DENND1A: variants seen among roughly 807,000 people sequenced by gnomAD.
DENND1A encodes the protein DENN domain-containing protein 1A.
DENND1A carries 51 observed loss-of-function variants against 113.7 expected under a neutral mutation model. That is an observed-to-expected ratio of 0.45 (90% CI 0.36 to 0.57). The LOEUF (loss-of-function observed/expected upper bound fraction) is 0.57. Ranked by LOEUF, DENND1A falls within the 20% of genes least tolerant of loss-of-function variation. The pLI, the probability that DENND1A is intolerant of heterozygous loss-of-function variation, is 0.00. For missense variants in DENND1A, 1,258 were observed against 1,395.9 expected, an observed-to-expected ratio of 0.90 and a Z score of 1.57; for synonymous variants, 565 against 570.8, an observed-to-expected ratio of 0.99 and a Z score of 0.14.
chr9:123,693,873 G>A (rs2065338575), intron 5 of DENND1A, among the ~76,000 whole-genome samples: 1 of 150,002 alleles, frequency 6.7e-6, no homozygotes, highest in African/African-American at 2.4e-5. Context: ...CTTTCACCAG[G>A]CGGGAGTGCA....
chr9:123,741,373 C>T (rs2069008471), intron 5 of DENND1A, among the ~76,000 whole-genome samples: 1 of 152,312 alleles, frequency 6.6e-6, no homozygotes, highest in South Asian at 2.1e-4. Flanking sequence ...AGCTTCCCTA[C>T]CCACCATCAA....
chr9:123,419,496 G>A (rs904167280), intron 19 of DENND1A, among the ~76,000 whole-genome samples: 11 of 152,216 alleles, frequency 7.2e-5, no homozygotes, highest in Non-Finnish European at 1.0e-4. Flanking sequence ...AAACTCTGTC[G>A]CTGTTTAATG....
At chr9:123,427,479 T>A (rs575516379) in intron 19 of DENND1A, among the ~76,000 whole-genome samples, 2 of 152,252 alleles carry the variant, frequency 1.3e-5, no homozygotes, top group African/African-American at 4.8e-5. Flanking sequence ...GCCTCCTACC[T>A]CCCTGGTCTG....
At chr9:123,429,072 C>T (rs539141888) in intron 19 of DENND1A, among the ~76,000 whole-genome samples, 6 of 152,260 alleles carry the variant, frequency 3.9e-5, no homozygotes, top group African/African-American at 1.4e-4. Context: ...AAAAAGAGCC[C>T]GAATAGCCAA....
chr9:123,507,707 TAGCC>T (rs1228698292), intron 13 of DENND1A, among the ~76,000 whole-genome samples: 8 of 149,540 alleles, frequency 5.3e-5, no homozygotes, highest in Non-Finnish European at 1.2e-4. Context: ...AAAAGAAAAT[TAGCC>T]AGGCGTGGTT....
intron 1 of DENND1A, among the ~76,000 whole-genome samples, chr9:123,882,088 A>G (rs1848391752): frequency 6.6e-6 from 1 of 152,108 alleles, no homozygotes; most frequent in Non-Finnish European, 1.5e-5. Context: ...CTCATTGCTT[A>G]GATGATCTCA....
At chr9:123,744,901 G>A (rs1042308302) in intron 5 of DENND1A, among the ~76,000 whole-genome samples, 8 of 149,836 alleles carry the variant, frequency 5.3e-5, no homozygotes, top group Admixed American at 2.0e-4. Context: ...TCAGTCTCCC[G>A]AGTAGCTGGG....
At chr9:123,513,021 A>C (rs2053584389) in intron 13 of DENND1A, among the ~76,000 whole-genome samples, 4 of 152,204 alleles carry the variant, frequency 2.6e-5, no homozygotes, top group African/African-American at 9.6e-5. Flanking sequence ...AGAGATACAT[A>C]ACCTGTAGCT....
chr9:123,881,965 C>G (rs970194915), intron 1 of DENND1A, among the ~76,000 whole-genome samples: 3 of 152,134 alleles, frequency 2.0e-5, no homozygotes, highest in African/African-American at 7.2e-5. Flanking sequence ...CCTTGAATGT[C>G]TTTCTTTTCT....
chr9:123,415,750 G>T (rs770327432), intron 19 of DENND1A, among the ~76,000 whole-genome samples: 2 of 152,216 alleles, frequency 1.3e-5, no homozygotes, highest in African/African-American at 4.8e-5. Context: ...CTGCTGCAGG[G>T]ATGCGGGGCA....
intron 6 of DENND1A, among the ~76,000 whole-genome samples, chr9:123,672,631 T>G (rs931279848): frequency 1.8e-4 from 28 of 152,174 alleles, no homozygotes; most frequent in African/African-American, 6.5e-4. Flanking sequence ...CATGAATTAA[T>G]GCCATTATTG....
chr9:123,525,803 G>A (rs2054791430), intron 13 of DENND1A, among the ~76,000 whole-genome samples: 1 of 141,726 alleles, frequency 7.1e-6, no homozygotes, highest in Non-Finnish European at 1.5e-5. Flanking sequence ...CTGTGACGTA[G>A]GCTGGAGTGC....
intron 13 of DENND1A, among the ~76,000 whole-genome samples, chr9:123,480,833 A>G (rs2050275071): frequency 6.6e-6 from 1 of 152,246 alleles, no homozygotes; most frequent in East Asian, 1.9e-4. Context: ...ACACTCTTGT[A>G]TGGGAGTGAG....
chr9:123,850,498 C>A (rs1843184583), intron 2 of DENND1A, among the ~76,000 whole-genome samples: 1 of 152,182 alleles, frequency 6.6e-6, no homozygotes, highest in Admixed American at 6.5e-5. Context: ...AAATTTGTGA[C>A]TCACTTTATT....
intron 9 of DENND1A, among the ~76,000 whole-genome samples, chr9:123,642,124 T>C (rs1290823826): frequency 6.6e-6 from 1 of 152,254 alleles, no homozygotes; most frequent in East Asian, 1.9e-4. Context: ...TTACAGAGTC[T>C]CTATGGTATC....
At chr9:123,471,807 G>A (rs1025922120) in intron 13 of DENND1A, among the ~76,000 whole-genome samples, 1 of 152,204 alleles carries the variant, frequency 6.6e-6, no homozygotes, top group African/African-American at 2.4e-5. Context: ...CTCTGAGCAC[G>A]CTCAGTTACC....
At position 123,415,022 on chromosome 9, in the gene DENND1A, G is replaced by C. The variant is rs192907314; in HGVS notation, c.1489-3193C>G. 3.3e-5 allele frequency among the ~76,000 whole-genome samples: 5 copies of C among 152,102 alleles called. No homozygotes were observed. In the East Asian group the frequency reaches 7.7e-4, roughly 23 times the overall value. ...AACTCATTTTCTTTTGCTTGTCCTC[G>C]GGAAGTGCTGGCTGTTTTGCAACTG... On this transcript the variant is annotated intron_variant, in intron 19 of 23. Coordinates refer to ENST00000394215, the MANE Select transcript of DENND1A (RefSeq NM_001352964.2).
chr9:123,386,945 T>C (rs1321155552), intron 22 of DENND1A, among the ~76,000 whole-genome samples: 1 of 152,218 alleles, frequency 6.6e-6, no homozygotes, highest in Admixed American at 6.5e-5. Context: ...TTCTGTGCAA[T>C]GACCAAAACG....
chr9:123,655,230 T>C (rs78542701), intron 8 of DENND1A, among the ~76,000 whole-genome samples: 2,194 of 152,290 alleles, frequency 0.014, 25 homozygotes, highest in Non-Finnish European at 0.023. Flanking sequence ...GTTTTAAGTA[T>C]GTTTTTGCCA....
Sources: gnomAD v4.1 joint callset for allele counts (sites outside exome capture counted in the v4.1 genomes callset) on GRCh38, gnomAD v4.1.1 for gene constraint, MANE v1.5 for transcripts, NCBI Gene and HGNC (gene_info 2026-07-23, HGNC 2026-07-21) for gene names.